Variants in ARAP1 observed in about 807,000 individuals in gnomAD.
The protein encoded by ARAP1 is ArfGAP with RhoGAP domain, ankyrin repeat and PH domain 1, also known as arf-GAP with Rho-GAP domain, ANK repeat and PH domain-containing protein 1.
In ARAP1, 76 loss-of-function variants were observed where a neutral mutation model predicts 172.2. The ratio of observed to expected loss-of-function variants is 0.44; its 90% confidence interval spans 0.37 to 0.53. ARAP1 has a LOEUF of 0.53. ARAP1 is among the 20% of genes least tolerant of loss of function. The pLI is 0.00. For synonymous variants in ARAP1, 804 were observed against 803.3 expected, an observed-to-expected ratio of 1.00 and a Z score of -0.01; for missense variants, 1,686 against 1,977.5, an observed-to-expected ratio of 0.85 and a Z score of 2.80.
intron 4 of ARAP1, 57 bp from the exon 5 acceptor site, chr11:72,713,300 G>GGC: frequency 6.6e-7 from 1 of 1,517,020 alleles, no homozygotes; most frequent in Non-Finnish European, 9.2e-7. Flanking sequence ...CCTCTCCTGG[G>GGC]GCACCACACT....
At chr11:72,748,657 A>G (rs1469987314) in intron 1 of ARAP1, among the ~76,000 whole-genome samples, 1 of 152,204 alleles carries the variant, frequency 6.6e-6, no homozygotes, top group African/African-American at 2.4e-5. Flanking sequence ...ACTACGGCCC[A>G]AGGATGAGAA....
Position 72,686,193 on chromosome 11 carries a change from TG to T in ARAP1, c.4186-3del. 3 of 1,610,770 alleles carry T rather than the reference TG, an allele frequency of 1.9e-6. No homozygotes were observed. Among genetic ancestry groups the T allele is most frequent in the Non-Finnish European group, 2.5e-6 (3 of 1,177,810 alleles). The stretch of plus-strand genomic sequence containing the variant: ...TGAGGGCCACACCAGGCCGTCATGC[TG>T]GGGAGCAGAGAGGAAGGGGCTGGGC... On this transcript the variant is annotated splice_polypyrimidine_tract_variant and splice_region_variant and intron_variant, in intron 33 of 34. Transcript: ENST00000393609.
At chr11:72,721,252 G>A (rs1325785322) in intron 3 of ARAP1, among the ~76,000 whole-genome samples, 1 of 152,142 alleles carries the variant, frequency 6.6e-6, no homozygotes, top group African/African-American at 2.4e-5. Flanking sequence ...AGGGATCCAC[G>A]GTAACTCAGG....
rs540312548 is a variant in ARAP1 at position 72,685,754 on chromosome 11, C to T, written c.4336-73G>A. The T allele has an allele frequency of 3.5e-4, 548 of 1,581,156 alleles. 2 individuals carry two copies. In the African/African-American group the frequency reaches 6.5e-3, roughly 19 times the overall value. On this transcript the variant is annotated intron_variant, in intron 34 of 34. Transcript: ENST00000393609. ...GGCTGGCGCCCCGCTGAAGCTGCTG[C>T]AGCTGCTGCAGCCACTCTCCACTGC... is the stretch of plus-strand genomic sequence containing the variant.
Position 72,726,956 on chromosome 11 carries a change from C to T in ARAP1, c.173G>A (p.Arg58His), listed in dbSNP as rs771817201. 25 of 1,599,082 alleles carry T rather than the reference C, an allele frequency of 1.6e-5. No individual in the cohort carries two copies. Among genetic ancestry groups the T allele is most frequent in the Admixed American group, 3.4e-5 (2 of 58,044 alleles). The part of the protein sequence containing the change: ...DMGMLLPGHR[R>H]RILAGLLRAH... ...ACGGAGCAGGCCAGCCAGGATGCGG[C>T]GGCGGTGACCAGGGAGTAGCATGCC... The change falls in exon 3 of 35, where the codon CGC becomes CAC. Residue 58 changes from arginine to histidine, a missense_variant. Arg to His is a conservative substitution (Grantham distance 29). Coordinates refer to ENST00000393609, the MANE Select transcript of ARAP1 (RefSeq NM_001040118.3). This position sits in a 1 kb window ranked among gnomAD's most constrained non-coding sequence, Gnocchi z 6.5.
Position 72,693,612 on chromosome 11 carries a change from T to G in ARAP1, c.3808+80A>C. 9.1e-6 allele frequency: 14 copies of G among 1,531,366 alleles called. No homozygotes were observed. The highest frequency in any genetic ancestry group is 1.1e-5 in the Non-Finnish European group (13 of 1,131,832). The allele number at this position is 1,531,366 out of a possible 1,614,324, so 94.9% of individuals were successfully genotyped here. A position where few individuals can be genotyped will look rare whatever the true frequency, so the allele number is the denominator to read the frequency against. ...TGGCGCCCTCTGTCTGAGCTGTTCC[T>G]ACCTGGCACCACCAGGTCCCACCCT... On this transcript the variant is annotated intron_variant, in intron 28 of 34. Transcript: ENST00000393609. This position sits in a 1 kb window ranked among gnomAD's most constrained non-coding sequence, Gnocchi z 4.6.
intron 7 of ARAP1, among the ~76,000 whole-genome samples, chr11:72,711,724 C>A (rs1328619459): frequency 8.7e-6 from 1 of 114,574 alleles, no homozygotes; most frequent in African/African-American, 3.4e-5. Context: ...GAGACAGGGT[C>A]TCACTCTGCC....
chr11:72,690,030 A>G (rs528404165), intron 30 of ARAP1, among the ~76,000 whole-genome samples: 1 of 152,362 alleles, frequency 6.6e-6, no homozygotes, highest in East Asian at 1.9e-4. Flanking sequence ...ATTCGGCTGC[A>G]GGCATGGAAA....
intron 1 of ARAP1, among the ~76,000 whole-genome samples, chr11:72,734,180 G>A (rs1226198554): frequency 2.0e-5 from 3 of 152,102 alleles, no homozygotes; most frequent in Non-Finnish European, 4.4e-5. Context: ...GAGTGTAGTA[G>A]TGCAATCATA....
At chr11:72,742,854 C>T (rs1025022404) in intron 1 of ARAP1, among the ~76,000 whole-genome samples, 5 of 152,180 alleles carry the variant, frequency 3.3e-5, no homozygotes, top group Admixed American at 6.5e-5. Context: ...GACTTGCCAC[C>T]TCCCTCAGAG....
At chr11:72,697,527 T>G (rs1180019015) in intron 20 of ARAP1, 41 bp from the exon 21 acceptor site, 1 of 1,612,812 alleles carries the variant, frequency 6.2e-7, no homozygotes, top group South Asian at 1.1e-5. Flanking sequence ...CCTACACCTA[T>G]CCCACCCTGT....
Position 72,695,565 on chromosome 11 carries a change from C to T in ARAP1, c.3484G>A (p.Ala1162Thr). ...ACCTGGGTCCCACTGGCAGTGCCAG[C>T]CACGCGCATCTTCACAATGGCAGTG... ...EITAIVKMRV[A>T]GTASGTQHAG... Residue 1162 changes from alanine (A) to threonine (T), a missense_variant, in exon 25 of 35, where the codon GCT becomes ACT. Physicochemically the swap from Ala to Thr is moderately conservative, Grantham distance 58. Coordinates refer to ENST00000393609, the MANE Select transcript of ARAP1 (RefSeq NM_001040118.3). This position sits in a 1 kb window ranked among gnomAD's most constrained non-coding sequence, Gnocchi z 4.4. The T allele has an allele frequency of 6.2e-7, 1 of 1,614,058 alleles. No individual in the cohort carries two copies. Among genetic ancestry groups the T allele is most frequent in the Non-Finnish European group, 8.5e-7 (1 of 1,180,036 alleles).
At chr11:72,697,771 T>C in intron 19 of ARAP1, 122 bp from the exon 20 acceptor site, 1 of 1,517,382 alleles carries the variant, frequency 6.6e-7, no homozygotes, top group Non-Finnish European at 8.9e-7. Flanking sequence ...GTGGCTGAGA[T>C]GCACCCCAAG....
In ARAP1 at chr11:72,704,197, G is replaced by A. The variant is rs201649457; in HGVS notation, c.1947C>T (p.Tyr649=). The change falls in exon 14 of 35, where the codon TAC becomes TAT. Residue 649 remains tyrosine (Y), a synonymous_variant. Transcript: ENST00000393609. ...TGCCAAAGAGCGGGTGGTAGCGGCG[G>A]TACTTGCCCTCACGGTACTTGGCCT... is the stretch of plus-strand genomic sequence containing the variant. ...HLEAKYREGK[Y]RRYHPLFGNQ... 5.9e-5 allele frequency: 95 copies of A among 1,614,042 alleles called. No individual in the cohort carries two copies. The highest frequency in any genetic ancestry group is 5.8e-4 in the Admixed American group (35 of 60,034).
rs981580173 is a variant in ARAP1 at position 72,726,062 on chromosome 11, G to C, written c.509+558C>G. Reference sequence around the variant, plus strand: ...TACCAGAAGCCCCAGAGGGGAAACAGTTCTGAGGAGGGAGGGCATGCCAGA... The same window carrying C: ...TACCAGAAGCCCCAGAGGGGAAACACTTCTGAGGAGGGAGGGCATGCCAGA... On this transcript the variant is annotated intron_variant, in intron 3 of 34. Coordinates refer to ENST00000393609, the MANE Select transcript of ARAP1 (RefSeq NM_001040118.3). This position sits in a 1 kb window ranked among gnomAD's most constrained non-coding sequence, Gnocchi z 6.5. 2.6e-5 allele frequency among the ~76,000 whole-genome samples: 4 copies of C among 152,170 alleles called. No homozygotes were observed. The highest frequency in any genetic ancestry group is 5.9e-5 in the Non-Finnish European group (4 of 68,024).
intron 21 of ARAP1, 34 bp from the exon 22 acceptor site, chr11:72,697,229 G>C (rs1025467498): frequency 3.1e-6 from 5 of 1,591,674 alleles, no homozygotes; most frequent in Non-Finnish European, 3.4e-6. Context: ...TTCGGGGCCT[G>C]AGGCATAGAG....
Position 72,702,981 on chromosome 11 carries a change from G to T in ARAP1, c.2091C>A (p.Ala697=). The change falls in exon 15 of 35, where the codon GCC becomes GCA. Residue 697 remains alanine (A), a synonymous_variant. Coordinates refer to ENST00000393609, the MANE Select transcript of ARAP1 (RefSeq NM_001040118.3). ...GINCFSGDPE[A]PTPLALAEQA... ...GCTCTGCAAGAGCCAGGGGCGTGGG[G>T]GCCTCAGGGTCCCCCGAGAAGCAGT... 1 of 1,570,242 alleles carries T rather than the reference G, an allele frequency of 6.4e-7. No homozygotes were observed. The highest frequency in any genetic ancestry group is 8.6e-7 in the Non-Finnish European group (1 of 1,158,796).
intron 3 of ARAP1, chr11:72,722,193 G>C: frequency 2.0e-6 from 2 of 985,740 alleles, no homozygotes; most frequent in Non-Finnish European, 2.4e-6. Flanking sequence ...GAGAGAGAGA[G>C]AGAGTGTGTG....
chr11:72,736,632 T>C lies in ARAP1; in HGVS notation c.-127-4035A>G, dbSNP rs528483372. 5.9e-5 allele frequency among the ~76,000 whole-genome samples: 9 copies of C among 152,108 alleles called. No homozygotes were observed. In the East Asian group the frequency reaches 9.7e-4, roughly 16 times the overall value. ...GGGGTTTCCCTCCTCTCCACCCTAA[T>C]GGCCCAATCAGACTTCAGCACCCCC... On this transcript the variant is annotated intron_variant, in intron 1 of 34. Transcript: ENST00000393609.
Sources: allele counts gnomAD v4.1 joint callset (sites outside exome capture counted in the v4.1 genomes callset), GRCh38; gene constraint gnomAD v4.1.1; non-coding constraint Gnocchi (gnomAD v3.1); transcripts MANE v1.5; gene names NCBI Gene and HGNC (gene_info 2026-07-23, HGNC 2026-07-21).